MOB4: variants seen among roughly 807,000 people sequenced by gnomAD.
The protein encoded by MOB4 is MOB family member 4, phocein.
In MOB4, 4 loss-of-function variants were observed where a neutral mutation model predicts 32.2. The observed-to-expected ratio is 0.12, with a 90% CI of 0.06 to 0.28. The LOEUF is 0.28. MOB4 is among the 10% of genes least tolerant of loss of function. The pLI is 1.00. For synonymous variants in MOB4, 88 were observed against 88.1 expected (o/e 1.00, Z 0.01); for missense variants, 158 against 271.2 (o/e 0.58, Z 2.93).
chr2:197,543,607 A>C (rs1021676927), intron 5 of MOB4, among the ~76,000 whole-genome samples: 1 of 152,256 alleles, frequency 6.6e-6, no homozygotes, highest in Admixed American at 6.5e-5. Context: ...AACAAGTCAG[A>C]TGCAAAAGGA....
chr2:197,524,424 C>T (rs147084351), intron 2 of MOB4, among the ~76,000 whole-genome samples: 5 of 149,176 alleles, frequency 3.4e-5, no homozygotes, highest in East Asian at 2.0e-4. Context: ...CCCAGCTACT[C>T]GGGAGGGCTA....
chr2:197,515,898 G>T, upstream of MOB4: 1 of 586,938 alleles, frequency 1.7e-6, no homozygotes. Context: ...ACGCCGTCCG[G>T]CTGTTCCTCG....
intron 3 of MOB4, among the ~76,000 whole-genome samples, chr2:197,536,067 T>A (rs1227955432): frequency 1.3e-5 from 2 of 151,982 alleles, no homozygotes; most frequent in Non-Finnish European, 2.9e-5. Context: ...CCTCACTAAT[T>A]TTTTAATTTT....
chr2:197,542,119 T>C (rs2086906770), intron 5 of MOB4, among the ~76,000 whole-genome samples: 1 of 152,214 alleles, frequency 6.6e-6, no homozygotes, highest in South Asian at 2.1e-4. Flanking sequence ...TGTATTATTC[T>C]TTCTTTAGAG....
intron 2 of MOB4, among the ~76,000 whole-genome samples, chr2:197,527,128 C>G (rs1194585205): frequency 1.3e-5 from 2 of 151,884 alleles, no homozygotes; most frequent in Non-Finnish European, 2.9e-5. Context: ...GAAACCCTTG[C>G]AATTCCATAT....
chr2:197,546,864 C>T (rs111968577), intron 5 of MOB4, among the ~76,000 whole-genome samples: 1,589 of 152,216 alleles, frequency 0.01, 10 homozygotes, highest in Non-Finnish European at 0.015. Context: ...GAAGCCTTAC[C>T]GATAACAGTC....
At chr2:197,550,186 T>C in intron 6 of MOB4, 89 bp from the exon 7 acceptor site, 1 of 1,266,124 alleles carries the variant, frequency 7.9e-7, no homozygotes, top group South Asian at 1.7e-5. Context: ...TAGGTGTCAG[T>C]TTCTACACTT....
At position 197,526,983 on chromosome 2, in the gene MOB4, T is replaced by C. The variant is rs1470119826; in HGVS notation, c.123+3297T>C. On this transcript the variant is annotated intron_variant, in intron 2 of 7. Coordinates refer to ENST00000323303, the MANE Select transcript of MOB4 (RefSeq NM_015387.5). ...TTTATTTTTCTTAATAGAGACAGAA[T>C]TTTGCAATGTTGCCCAGGTTGGTTT... 2.0e-5 allele frequency among the ~76,000 whole-genome samples: 3 copies of C among 152,156 alleles called. No homozygotes were observed. In the East Asian group the frequency reaches 5.8e-4, roughly 29 times the overall value.
intron 5 of MOB4, among the ~76,000 whole-genome samples, chr2:197,545,433 G>C (rs1213617244): frequency 6.6e-6 from 1 of 152,082 alleles, no homozygotes; most frequent in African/African-American, 2.4e-5. Context: ...GGGTTTTAAA[G>C]TGTAGTTTTG....
In MOB4 at chr2:197,546,251, T is replaced by C. The variant is rs760925099; in HGVS notation, c.355-2085T>C. ...TAATTTTTTGTATTTTTAGTAGAGA[T>C]GGGGTTTCATCGTGTTAGCCAGGAT... On this transcript the variant is annotated intron_variant, in intron 5 of 7. Coordinates refer to ENST00000323303, the MANE Select transcript of MOB4 (RefSeq NM_015387.5). Among the ~76,000 whole-genome samples the C allele has an allele frequency of 5.3e-5, 8 of 152,060 alleles. No individual in the cohort carries two copies. In the South Asian group the frequency reaches 6.2e-4, roughly 12 times the overall value.
chr2:197,525,733 A>G (rs1382269395), intron 2 of MOB4, among the ~76,000 whole-genome samples: 2 of 151,926 alleles, frequency 1.3e-5, no homozygotes, highest in African/African-American at 4.8e-5. Context: ...AAAAAGAAAA[A>G]GTGCTGTTCA....
intron 2 of MOB4, among the ~76,000 whole-genome samples, chr2:197,528,483 T>C (rs1369389660): frequency 1.3e-5 from 2 of 152,140 alleles, no homozygotes; most frequent in Admixed American, 1.3e-4. Context: ...CGTTAATCAT[T>C]TTACTTTCAC....
At chr2:197,535,768 C>T in intron 3 of MOB4, 138 bp downstream of exon 3, 3 of 904,554 alleles carry the variant, frequency 3.3e-6, no homozygotes, top group Non-Finnish European at 5.0e-6. Context: ...TTTTCAGTGT[C>T]ACAAGGTTCT....
At chr2:197,544,571 G>T (rs891320270) in intron 5 of MOB4, among the ~76,000 whole-genome samples, 8 of 152,050 alleles carry the variant, frequency 5.3e-5, no homozygotes, top group Non-Finnish European at 1.2e-4. Context: ...GGCTAACACG[G>T]TGAAACCCCA....
chr2:197,519,227 T>C (rs1029316063), intron 1 of MOB4, among the ~76,000 whole-genome samples: 1 of 152,212 alleles, frequency 6.6e-6, no homozygotes, highest in Admixed American at 6.5e-5. Context: ...TGTTTGTTGG[T>C]TGAATTAGAT....
chr2:197,535,974 ACTGTGCCT>A (rs1397702788), intron 3 of MOB4, among the ~76,000 whole-genome samples: 6 of 137,074 alleles, frequency 4.4e-5, no homozygotes, highest in Admixed American at 8.3e-5. Flanking sequence ...ATCACTGCTT[ACTGTGCCT>A]CTACCTCTTA....
At chr2:197,540,325 T>C in intron 4 of MOB4, 26 bp from the exon 5 acceptor site, 2 of 1,509,750 alleles carry the variant, frequency 1.3e-6, no homozygotes, top group Non-Finnish European at 1.8e-6. Context: ...ATTTTACATA[T>C]TAAGAAATAT....
intron 2 of MOB4, among the ~76,000 whole-genome samples, chr2:197,524,541 A>C (rs1358068925): frequency 7.9e-5 from 12 of 151,476 alleles, no homozygotes; most frequent in East Asian, 3.9e-4. Context: ...AAAAAAAAAA[A>C]AAAAAACAAA....
chr2:197,534,894 C>T (rs1009336418), intron 2 of MOB4, among the ~76,000 whole-genome samples: 4 of 152,088 alleles, frequency 2.6e-5, no homozygotes, highest in African/African-American at 9.7e-5. Context: ...TCATTAGCAG[C>T]CATCTTCAGT....
Sources: allele counts gnomAD v4.1 joint callset (sites outside exome capture counted in the v4.1 genomes callset), GRCh38; gene constraint gnomAD v4.1.1; transcripts MANE v1.5; gene names NCBI Gene and HGNC (gene_info 2026-07-23, HGNC 2026-07-21).